UPP2: variants seen among roughly 807,000 people sequenced by gnomAD.
UPP2 encodes the protein uridine phosphorylase 2, also known as UPase 2.
UPP2 carries 23 observed loss-of-function variants against 26.7 expected under a neutral mutation model. That is an observed-to-expected ratio of 0.86 (90% CI 0.62 to 1.22). The LOEUF (loss-of-function observed/expected upper bound fraction) is 1.22, where lower values mean the gene tolerates loss of function less well. Among genes scored for constraint, UPP2 ranks in the 50% most tolerant of loss-of-function variants. The pLI, the probability that UPP2 is intolerant of heterozygous loss-of-function variation, is 0.00. For missense variants in UPP2, 387 were observed against 396.7 expected, an observed-to-expected ratio of 0.98 and a Z score of 0.21; for synonymous variants, 127 against 141.3, an observed-to-expected ratio of 0.90 and a Z score of 0.72.
At chr2:157,998,498 T>C (rs1260206860) in intron 2 of UPP2, among the ~76,000 whole-genome samples, 1 of 152,228 alleles carries the variant, frequency 6.6e-6, no homozygotes, top group South Asian at 2.1e-4. Context: ...TCTTCATCTT[T>C]CTTTTCATTA....
At chr2:158,033,081 A>G (rs6759948) in intron 3 of UPP2, among the ~76,000 whole-genome samples, 92,817 of 151,962 alleles carry the variant, frequency 0.61, 31,315 homozygotes, top group East Asian at 0.98. Context: ...AGAACACCAA[A>G]TGTAGGCAAC....
At chr2:158,025,407 G>A (rs987802202) in intron 3 of UPP2, among the ~76,000 whole-genome samples, 3 of 152,128 alleles carry the variant, frequency 2.0e-5, no homozygotes, top group Non-Finnish European at 2.9e-5. Flanking sequence ...AACTGTCCTG[G>A]AGTGTGGAGG....
chr2:158,043,227 CTG>C (rs1428728204), intron 3 of UPP2, among the ~76,000 whole-genome samples: 1 of 152,196 alleles, frequency 6.6e-6, no homozygotes, highest in East Asian at 1.9e-4. Flanking sequence ...CCTTTCAACA[CTG>C]TACAAAAAGC....
At chr2:158,050,106 T>C (rs1558914686) in intron 3 of UPP2, among the ~76,000 whole-genome samples, 1 of 152,226 alleles carries the variant, frequency 6.6e-6, no homozygotes, top group Non-Finnish European at 1.5e-5. Flanking sequence ...CAACAGAAAG[T>C]GGAGCGTTTT....
chr2:158,133,152 TGTG>T (rs760504504), intron 6 of UPP2, among the ~76,000 whole-genome samples: 2 of 152,200 alleles, frequency 1.3e-5, no homozygotes, highest in Non-Finnish European at 2.9e-5. Context: ...ACTTTTAAAA[TGTG>T]GTATATATAC....
chr2:158,007,147 G>T (rs1683503977), intron 2 of UPP2, among the ~76,000 whole-genome samples: 1 of 152,134 alleles, frequency 6.6e-6, no homozygotes, highest in Non-Finnish European at 1.5e-5. Flanking sequence ...AGCCCTTTCT[G>T]TGTACTCATA....
chr2:158,030,610 G>A (rs1214729157), intron 3 of UPP2, among the ~76,000 whole-genome samples: 1 of 152,208 alleles, frequency 6.6e-6, no homozygotes, highest in African/African-American at 2.4e-5. Flanking sequence ...TTGAGACTGT[G>A]AGCTATGCCT....
At chr2:158,037,255 A>G (rs986611041) in intron 3 of UPP2, among the ~76,000 whole-genome samples, 3 of 152,004 alleles carry the variant, frequency 2.0e-5, no homozygotes, top group Non-Finnish European at 4.4e-5. Flanking sequence ...GGCATCTGTA[A>G]TCCCAGGTGC....
At chr2:158,012,372 A>T (rs952525088) in intron 2 of UPP2, among the ~76,000 whole-genome samples, 6 of 138,480 alleles carry the variant, frequency 4.3e-5, no homozygotes, top group Non-Finnish European at 7.5e-5. Context: ...GATTCAAGTG[A>T]TTCTCCTGCC....
chr2:158,125,921 G>A (rs1230713304), intron 6 of UPP2, among the ~76,000 whole-genome samples: 1 of 152,178 alleles, frequency 6.6e-6, no homozygotes, highest in Non-Finnish European at 1.5e-5. Context: ...CTTGAGTCAT[G>A]TCTCCACCTA....
At chr2:158,097,403 T>A (rs116178730), upstream of UPP2, among the ~76,000 whole-genome samples, 4,113 of 151,710 alleles carry the variant, frequency 0.027, 190 homozygotes, top group African/African-American at 0.091. Flanking sequence ...ATAGAGAGAG[T>A]GTGTATATAA....
intron 4 of UPP2, among the ~76,000 whole-genome samples, chr2:158,118,510 C>T (rs1683490466): frequency 6.6e-6 from 1 of 151,958 alleles, no homozygotes; most frequent in African/African-American, 2.4e-5. Flanking sequence ...CTCCCTTCTT[C>T]TTAGGCCTGT....
At chr2:158,125,582 C>T (rs567207439) in intron 6 of UPP2, among the ~76,000 whole-genome samples, 3 of 152,106 alleles carry the variant, frequency 2.0e-5, no homozygotes, top group South Asian at 2.1e-4. Context: ...CCACCATGCC[C>T]GGCTAACTTT....
At chr2:158,060,681 A>G (rs976795272) in intron 3 of UPP2, among the ~76,000 whole-genome samples, 1 of 152,040 alleles carries the variant, frequency 6.6e-6, no homozygotes, top group Non-Finnish European at 1.5e-5. Flanking sequence ...TGGAGATGAA[A>G]CCTTTGGGAG....
intron 3 of UPP2, among the ~76,000 whole-genome samples, chr2:158,070,697 G>C (rs1682525132): frequency 6.6e-6 from 1 of 152,208 alleles, no homozygotes; most frequent in South Asian, 2.1e-4. Context: ...AAAATGCACT[G>C]TCATAAGAAC....
intron 3 of UPP2, among the ~76,000 whole-genome samples, chr2:158,020,893 C>A (rs1006721526): frequency 6.6e-6 from 1 of 152,162 alleles, no homozygotes; most frequent in Non-Finnish European, 1.5e-5. Flanking sequence ...GAAAATATTT[C>A]TTGACTCCAG....
intron 2 of UPP2, among the ~76,000 whole-genome samples, chr2:158,107,358 A>C (rs1414746119): frequency 6.6e-6 from 1 of 152,208 alleles, no homozygotes; most frequent in Admixed American, 6.5e-5. Context: ...TGGGTTTAGC[A>C]GATATTAACT....
intron 2 of UPP2, among the ~76,000 whole-genome samples, chr2:158,011,180 A>T (rs1439996138): frequency 6.6e-6 from 1 of 152,148 alleles, no homozygotes; most frequent in Non-Finnish European, 1.5e-5. Context: ...TGTGCTGGGG[A>T]ACACCCTTTG....
intron 3 of UPP2, among the ~76,000 whole-genome samples, chr2:158,034,102 A>G (rs1442910649): frequency 1.3e-5 from 2 of 151,532 alleles, no homozygotes; most frequent in East Asian, 1.9e-4. Flanking sequence ...CTGTATGTTC[A>G]GTCTCTCCAG....
Sources: gnomAD v4.1 joint callset for allele counts (sites outside exome capture counted in the v4.1 genomes callset) on GRCh38, gnomAD v4.1.1 for gene constraint, MANE v1.5 for transcripts, NCBI Gene and HGNC (gene_info 2026-07-23, HGNC 2026-07-21) for gene names.